Variants in AXDND1 observed in about 807,000 individuals in gnomAD.
The protein encoded by AXDND1 is axonemal dynein light chain domain containing 1.
In AXDND1, 110 loss-of-function variants were observed where a neutral mutation model predicts 137.5. That is an observed-to-expected ratio of 0.80 (90% confidence interval 0.69 to 0.94). The LOEUF (loss-of-function observed/expected upper bound fraction) is 0.94, where lower values mean the gene tolerates loss of function less well. AXDND1 is among the 40% of genes least tolerant of loss of function. AXDND1 has a pLI of 0.00. For missense variants in AXDND1, 1,191 were observed against 1,169.8 expected, an observed-to-expected ratio of 1.02 and a Z score of -0.26; for synonymous variants, 414 against 399.7, an observed-to-expected ratio of 1.04 and a Z score of -0.43.
intron 17 of AXDND1, among the ~76,000 whole-genome samples, chr1:179,478,983 C>A (rs1028901278): frequency 2.0e-5 from 3 of 151,870 alleles, no homozygotes; most frequent in Non-Finnish European, 4.4e-5. Flanking sequence ...GCCTGTAGTC[C>A]CAGCTACTCA....
intron 4 of AXDND1, among the ~76,000 whole-genome samples, chr1:179,375,421 T>A (rs1464234727): frequency 2.6e-5 from 4 of 151,878 alleles, no homozygotes; most frequent in Admixed American, 2.6e-4. Context: ...ATTCTTTAAT[T>A]ATATGTTTGT....
At chr1:179,456,932 T>A in intron 16 of AXDND1, 1 of 1,379,032 alleles carries the variant, frequency 7.3e-7, no homozygotes, top group Non-Finnish European at 1.0e-6. Context: ...AGTCATGATT[T>A]CAATCACTTC....
chr1:179,401,238 A>G (rs901414619), intron 11 of AXDND1, among the ~76,000 whole-genome samples: 34 of 148,720 alleles, frequency 2.3e-4, no homozygotes, highest in African/African-American at 8.5e-4. Context: ...AGCCTGGGCA[A>G]CAAGAACAAA....
At chr1:179,443,816 G>T (rs1484727204) in intron 15 of AXDND1, among the ~76,000 whole-genome samples, 1 of 152,018 alleles carries the variant, frequency 6.6e-6, no homozygotes, top group Non-Finnish European at 1.5e-5. Context: ...ATCTTTAAGG[G>T]GTCAGAGCTT....
At chr1:179,373,570 C>G (rs1001903454) in intron 4 of AXDND1, among the ~76,000 whole-genome samples, 1 of 152,160 alleles carries the variant, frequency 6.6e-6, no homozygotes, top group African/African-American at 2.4e-5. Context: ...TACCTGACTT[C>G]AAACTATACT....
intron 9 of AXDND1, among the ~76,000 whole-genome samples, chr1:179,390,759 T>C (rs1229565981): frequency 6.6e-6 from 1 of 152,074 alleles, no homozygotes; most frequent in Admixed American, 6.5e-5. Context: ...CCTTTTTTTT[T>C]CTTTTTTAAT....
rs1475432705 is a variant in AXDND1, at chr1:179,509,371, A to G, written c.2464A>G (p.Thr822Ala). ...NIKGRKITLL[T>A]YEEIERLLEE... The stretch of plus-strand genomic sequence containing the variant: ...CAAAGGCAGAAAAATTACATTATTG[A>G]CATATGAAGAAATAGAGCGGCTACT... Residue 822 changes from threonine (T) to alanine (A), a missense_variant, in exon 21 of 26, where the codon ACA becomes GCA. By Grantham distance (58) the Thr-to-Ala change is moderately conservative. Transcript: ENST00000367618. 1.2e-6 allele frequency: 2 copies of G among 1,611,528 alleles called. No homozygotes were observed. The highest frequency in any genetic ancestry group is 2.7e-5 in the African/African-American group (2 of 74,854).
At chr1:179,479,552 C>T (rs181942397) in intron 17 of AXDND1, among the ~76,000 whole-genome samples, 13,905 of 149,404 alleles carry the variant, frequency 0.093, 898 homozygotes, top group African/African-American at 0.17. Flanking sequence ...CTGAGGTGGG[C>T]GGATCACGAG....
rs761947363 is a variant in AXDND1 at position 179,551,242 on chromosome 1, G to A, written c.3032-3270G>A. 2 of 1,614,126 alleles carry A rather than the reference G, an allele frequency of 1.2e-6. No homozygotes were observed. The highest frequency in any genetic ancestry group is 1.7e-5 in the Admixed American group (1 of 60,020). ...CAGGTTTGGAAGGACTTGGGAAGGG[G>A]AGGCTTCCCTGAGTTCTGTTGCTGG... On this transcript the variant is annotated intron_variant, in intron 25 of 25. Coordinates refer to ENST00000367618, the MANE Select transcript of AXDND1 (RefSeq NM_144696.6).
At chr1:179,527,319 C>T (rs904276845) in intron 22 of AXDND1, among the ~76,000 whole-genome samples, 11 of 152,092 alleles carry the variant, frequency 7.2e-5, no homozygotes, top group Non-Finnish European at 1.6e-4. Context: ...GGGTTTTGAC[C>T]GGCTTCTTTA....
At chr1:179,549,138 C>T (rs1177448388) in intron 25 of AXDND1, among the ~76,000 whole-genome samples, 1 of 152,052 alleles carries the variant, frequency 6.6e-6, no homozygotes, top group Non-Finnish European at 1.5e-5. Flanking sequence ...AAAAACTATT[C>T]CTAGAACATA....
At chr1:179,366,365 T>TC in intron 1 of AXDND1, 39 bp from the exon 2 acceptor site, 2 of 187,422 alleles carry the variant, frequency 1.1e-5, no homozygotes. Flanking sequence ...AGTTGTCATC[T>TC]TTTTTTTTTT....
intron 16 of AXDND1, among the ~76,000 whole-genome samples, chr1:179,445,901 T>C (rs1659667841): frequency 6.6e-6 from 1 of 152,198 alleles, no homozygotes; most frequent in African/African-American, 2.4e-5. Flanking sequence ...ACTATATCTT[T>C]AACTTTTTGA....
At chr1:179,466,299 T>TG (rs1194894707) in intron 16 of AXDND1, among the ~76,000 whole-genome samples, 1 of 147,920 alleles carries the variant, frequency 6.8e-6, no homozygotes, top group Non-Finnish European at 1.5e-5. Context: ...TTTTTTTTTT[T>TG]TTTTGAGATG....
chr1:179,394,750 C>T (rs1000381476), intron 10 of AXDND1, among the ~76,000 whole-genome samples: 1 of 152,138 alleles, frequency 6.6e-6, no homozygotes, highest in African/African-American at 2.4e-5. Context: ...AACCTTGAAG[C>T]AAGATGGTTA....
At chr1:179,544,442 G>C (rs953694973) in intron 25 of AXDND1, 2 of 152,146 alleles carry the variant, frequency 1.3e-5, no homozygotes, top group African/African-American at 4.8e-5. Flanking sequence ...GGGAGGCCAA[G>C]GTGGGAGGAT....
intron 12 of AXDND1, among the ~76,000 whole-genome samples, chr1:179,420,896 C>T (rs891826224): frequency 6.6e-6 from 1 of 152,176 alleles, no homozygotes; most frequent in African/African-American, 2.4e-5. Flanking sequence ...ACTGGGATTA[C>T]AGGCGTGAGC....
At chr1:179,524,165 T>C (rs1670326297) in intron 21 of AXDND1, among the ~76,000 whole-genome samples, 3 of 152,224 alleles carry the variant, frequency 2.0e-5, no homozygotes, top group African/African-American at 7.2e-5. Context: ...TGTAAAATTA[T>C]CTTTTTCATA....
rs1667425209 is a variant in AXDND1 at position 179,366,537 on chromosome 1, C to T, written c.28C>T (p.Pro10Ser). The T allele has an allele frequency of 1.2e-6, 2 of 1,613,592 alleles. No individual in the cohort carries two copies. The highest frequency in any genetic ancestry group is 1.3e-5 in the African/African-American group (1 of 74,862). MSLPKTPST[P>S]LNSTSTSESK... ...GTCTCTCCCGAAAACGCCCTCCACC[C>T]CGCTAAACTCTACATCAACATCTGA... Residue 10 changes from proline to serine, a missense_variant, in exon 2 of 26, where the codon CCG becomes TCG. Coordinates refer to ENST00000367618, the MANE Select transcript of AXDND1 (RefSeq NM_144696.6).
Sources: gnomAD v4.1 joint callset for allele counts (sites outside exome capture counted in the v4.1 genomes callset) on GRCh38, gnomAD v4.1.1 for gene constraint, MANE v1.5 for transcripts, NCBI Gene and HGNC (gene_info 2026-07-23, HGNC 2026-07-21) for gene names.